CFAP70: variants seen among roughly 807,000 people sequenced by gnomAD.
The protein encoded by CFAP70 is cilia and flagella associated protein 70, also known as cilia- and flagella-associated protein 70.
A neutral mutation model predicts 137.6 loss-of-function variants in CFAP70; 81 were observed. The ratio of observed to expected loss-of-function variants is 0.59; its 90% CI spans 0.49 to 0.71. The LOEUF (loss-of-function observed/expected upper bound fraction) is 0.71. CFAP70 is among the 30% of genes least tolerant of loss of function. The probability of loss-of-function intolerance (pLI) is 0.00; values close to 1 mark genes in which losing one functional copy is unlikely to be tolerated. For missense variants in CFAP70, 976 were observed against 1,226.7 expected (o/e 0.80, Z 3.05); for synonymous variants, 382 against 423.6 (o/e 0.90, Z 1.20).
At position 73,300,146 on chromosome 10, in the gene CFAP70, A is replaced by G. The variant is rs192494436; in HGVS notation, c.1257-481T>C. On this transcript the variant is annotated intron_variant, in intron 12 of 26. Transcript: ENST00000310715. ...CTCTTGGCATAATTTATAGGGCTGC[A>G]TTAAATTACAATAATGCTATCAAAA... Among the ~76,000 whole-genome samples, 357 of 152,342 alleles carry G rather than the reference A, an allele frequency of 2.3e-3. 3 individuals carry two copies. Among genetic ancestry groups the G allele is most frequent in the African/African-American group, 8.1e-3 (338 of 41,578 alleles).
chr10:73,265,099 G>C (rs943138919), intron 25 of CFAP70, among the ~76,000 whole-genome samples: 8 of 152,182 alleles, frequency 5.3e-5, no homozygotes, highest in African/African-American at 1.7e-4. Context: ...GCCGAGATGG[G>C]CGGATCACGA....
At chr10:73,357,842 C>A (rs1349383107) in intron 1 of CFAP70, among the ~76,000 whole-genome samples, 1 of 152,222 alleles carries the variant, frequency 6.6e-6, no homozygotes, top group Non-Finnish European at 1.5e-5. Context: ...AGCTCAAATG[C>A]TTCCTAGTCC....
At chr10:73,280,358 C>T (rs968398479) in intron 19 of CFAP70, among the ~76,000 whole-genome samples, 1 of 151,988 alleles carries the variant, frequency 6.6e-6, no homozygotes. Flanking sequence ...TGTGTCTAGG[C>T]TTATGAAAGT....
chr10:73,333,456 T>C (rs1240892069), intron 7 of CFAP70, among the ~76,000 whole-genome samples: 1 of 151,498 alleles, frequency 6.6e-6, no homozygotes, highest in African/African-American at 2.4e-5. Flanking sequence ...CAAACAACTA[T>C]ATCTAGGCAT....
At chr10:73,347,711 G>C (rs2053836824) in intron 4 of CFAP70, among the ~76,000 whole-genome samples, 2 of 152,176 alleles carry the variant, frequency 1.3e-5, no homozygotes, top group African/African-American at 2.4e-5. Context: ...TGCTTATAAA[G>C]TCTGATATTC....
At chr10:73,256,283 A>G in intron 26 of CFAP70, 86 bp downstream of exon 27, 1 of 1,453,644 alleles carries the variant, frequency 6.9e-7, no homozygotes, top group Non-Finnish European at 9.6e-7. Context: ...TCACATTATG[A>G]AAGTCCTGAA....
At chr10:73,299,173 A>G (rs2048750837) in intron 13 of CFAP70, 72 bp from the exon 15 acceptor site, 1 of 1,138,794 alleles carries the variant, frequency 8.8e-7, no homozygotes. Context: ...CTAAAACTGG[A>G]TTTGGTTTTA....
intron 25 of CFAP70, among the ~76,000 whole-genome samples, chr10:73,258,040 T>C (rs1293903640): frequency 6.6e-6 from 1 of 152,062 alleles, no homozygotes; most frequent in East Asian, 1.9e-4. Flanking sequence ...TTACAGATGT[T>C]GTATGTGTCT....
At chr10:73,285,313 C>A (rs545544770) in intron 19 of CFAP70, among the ~76,000 whole-genome samples, 2 of 151,928 alleles carry the variant, frequency 1.3e-5, no homozygotes, top group Non-Finnish European at 2.9e-5. Flanking sequence ...ATTCTTATTT[C>A]GAAAATCTCA....
chr10:73,360,401 T>C (rs1295750514), upstream of CFAP70, among the ~76,000 whole-genome samples: 1 of 152,156 alleles, frequency 6.6e-6, no homozygotes, highest in Non-Finnish European at 1.5e-5. Context: ...CAGTGAGCAA[T>C]GGAACAAGTG....
intron 25 of CFAP70, among the ~76,000 whole-genome samples, chr10:73,265,278 G>A (rs2133638865): frequency 6.7e-6 from 1 of 149,340 alleles, no homozygotes; most frequent in Middle Eastern, 3.5e-3. Context: ...AGCCCAGATC[G>A]CGCCACTGCA....
intron 7 of CFAP70, 79 bp from the exon 9 acceptor site, chr10:73,331,355 C>T (rs1183025719): frequency 4.9e-6 from 6 of 1,229,642 alleles, no homozygotes; most frequent in East Asian, 2.6e-5. Context: ...GAAATATTCT[C>T]TTTTAGAAAG....
chr10:73,330,307 G>A (rs191684229), intron 8 of CFAP70, among the ~76,000 whole-genome samples: 31 of 151,882 alleles, frequency 2.0e-4, no homozygotes, highest in African/African-American at 4.8e-4. Flanking sequence ...AAAATTAGCC[G>A]GGCGTGGTGG....
chr10:73,310,555 T>C (rs1313010566), intron 11 of CFAP70, among the ~76,000 whole-genome samples: 1 of 152,228 alleles, frequency 6.6e-6, no homozygotes, highest in Non-Finnish European at 1.5e-5. Context: ...TTTAAGTGAA[T>C]GCCTTTCTTT....
At chr10:73,257,720 T>C (rs1017289017) in intron 25 of CFAP70, among the ~76,000 whole-genome samples, 1 of 152,144 alleles carries the variant, frequency 6.6e-6, no homozygotes, top group African/African-American at 2.4e-5. Flanking sequence ...TTCCTACCAC[T>C]ATTACTTTGT....
chr10:73,253,924 A>T, exon 27 of CFAP70: 1 of 1,443,674 alleles, frequency 6.9e-7, no homozygotes, highest in Non-Finnish European at 9.6e-7. Flanking sequence ...ACTCTCTGGG[A>T]AGGAAAGGAA....
intron 12 of CFAP70, among the ~76,000 whole-genome samples, chr10:73,302,295 G>C (rs1480913668): frequency 2.6e-5 from 4 of 152,170 alleles, no homozygotes; most frequent in Admixed American, 2.6e-4. Context: ...GGCCAGGGAG[G>C]GAGGAGTAAA....
exon 1 of CFAP70, chr10:73,358,737 T>C (rs904933898): frequency 6.6e-6 from 1 of 152,448 alleles, no homozygotes; most frequent in African/African-American, 2.4e-5. Context: ...AGTTATGTTT[T>C]TGACAACTAT....
upstream of CFAP70, among the ~76,000 whole-genome samples, chr10:73,360,136 T>C (rs563515551): frequency 5.3e-5 from 8 of 152,150 alleles, no homozygotes; most frequent in Non-Finnish European, 1.0e-4. Flanking sequence ...ACCCCGAACA[T>C]GCCCAATCTC....
Sources: allele counts gnomAD v4.1 joint callset (sites outside exome capture counted in the v4.1 genomes callset), GRCh38; gene constraint gnomAD v4.1.1; transcripts MANE v1.5; gene names NCBI Gene and HGNC (gene_info 2026-07-23, HGNC 2026-07-21).